The following NSUN2 variants were observed in gnomAD, a reference collection of about 807,000 sequenced individuals.
NSUN2 encodes NOP2/Sun RNA methyltransferase 2.
NSUN2 carries 63 observed loss-of-function variants against 92.7 expected under a neutral mutation model. The ratio of observed to expected loss-of-function variants is 0.68; its 90% confidence interval spans 0.56 to 0.84. The LOEUF is 0.84. Ranked by LOEUF, NSUN2 falls within the 40% of genes least tolerant of loss-of-function variation. NSUN2 has a pLI of 0.00. For synonymous variants in NSUN2, 356 were observed against 348.3 expected, an observed-to-expected ratio of 1.02 and a Z score of -0.25; for missense variants, 989 against 964.9, an observed-to-expected ratio of 1.02 and a Z score of -0.33.
Position 6,600,244 on chromosome 5 carries a change from A to T in NSUN2, c.1998-12T>A. The T allele has an allele frequency of 6.2e-7, 1 of 1,608,870 alleles. No homozygotes were observed. The highest frequency in any genetic ancestry group is 1.1e-5 in the South Asian group (1 of 90,776). On this transcript the variant is annotated splice_polypyrimidine_tract_variant and intron_variant, in intron 18 of 18. Coordinates refer to ENST00000264670, the MANE Select transcript of NSUN2 (RefSeq NM_017755.6). Reference sequence around the variant, plus strand: ...GAGCGTCTGGATTCCTACAAGTGAAAGTGGCTTCATGTAGAACATTAAACA... The same window carrying T: ...GAGCGTCTGGATTCCTACAAGTGAATGTGGCTTCATGTAGAACATTAAACA...
Position 6,625,637 on chromosome 5 carries a change from A to C in NSUN2, c.392T>G (p.Leu131Ter). ...CGATTTTCTCAAGATTTTTCGACTT[A>C]AATTTGTGTGCCAGGCAAGTTCTTC... Reference protein sequence around the residue: ...YPEELAWHTNLSRKILRKSPH... With the variant: ...YPEELAWHTN Residue 131 changes from leucine to a stop codon, truncating the protein, a stop_gained, in exon 4 of 19, where the codon TTA (leucine) becomes TGA (stop). Coordinates refer to ENST00000264670, the MANE Select transcript of NSUN2 (RefSeq NM_017755.6). LOFTEE classifies it high-confidence loss of function. The C allele has an allele frequency of 6.2e-7, 1 of 1,614,210 alleles. No individual in the cohort carries two copies. The highest frequency in any genetic ancestry group is 8.5e-7 in the Non-Finnish European group (1 of 1,180,014).
rs192821977 is a variant in NSUN2 at position 6,632,288 on chromosome 5, G to A, written c.254+311C>T. ...GGCGCGGAGGAGGGGAGAACCAAGGGGTTTTATGCATTCTCTATAAATTCT... is the reference window on the plus strand; with the variant it reads ...GGCGCGGAGGAGGGGAGAACCAAGGAGTTTTATGCATTCTCTATAAATTCT... On this transcript the variant is annotated intron_variant, in intron 2 of 18. Transcript: ENST00000264670. Among the ~76,000 whole-genome samples the A allele has an allele frequency of 4.6e-5, 7 of 152,118 alleles. No individual in the cohort carries two copies. The South Asian group carries it at 1.0e-3, about 23-fold the overall frequency.
At chr5:6,606,939 AT>A (rs1439887542) in intron 13 of NSUN2, 27 bp from the exon 14 acceptor site, 7 of 1,325,676 alleles carry the variant, frequency 5.3e-6, no homozygotes, top group African/African-American at 1.5e-5. Flanking sequence ...GATGAGACAA[AT>A]CAATCTGTAA....
chr5:6,632,587 C>T lies in NSUN2; in HGVS notation c.254+12G>A. On this transcript the variant is annotated intron_variant, in intron 2 of 18. Transcript: ENST00000264670. ...GCCCCAACTCCCAAAAAATCAGGCA[C>T]TGCCTCCCTACCTTTTGTAACCAGT... is the stretch of plus-strand genomic sequence containing the variant. 6.2e-7 allele frequency: 1 copy of T among 1,612,426 alleles called. No individual in the cohort carries two copies. Among genetic ancestry groups the T allele is most frequent in the Non-Finnish European group, 8.5e-7 (1 of 1,178,978 alleles).
At chr5:6,608,717 G>A (rs1285247830) in intron 12 of NSUN2, among the ~76,000 whole-genome samples, 3 of 152,226 alleles carry the variant, frequency 2.0e-5, no homozygotes, top group East Asian at 3.8e-4. Flanking sequence ...GCGTCTCTAA[G>A]ACAGGCTCCT....
intron 9 of NSUN2, among the ~76,000 whole-genome samples, chr5:6,616,381 GT>G (rs1737212738): frequency 6.6e-6 from 1 of 152,232 alleles, no homozygotes; most frequent in Non-Finnish European, 1.5e-5. Flanking sequence ...GGACGCTGCA[GT>G]AAGTTAAATA....
At position 6,599,728 on chromosome 5, in the gene NSUN2, A is replaced by AATTT; in HGVS notation, c.*197_*198insAAAT. The stretch of plus-strand genomic sequence containing the variant: ...AAAACAAGTGATTTCTAACACGCTA[A>AATTT]AAGAGTACATTTTCATCAGCTCCAA... On this transcript the variant is annotated 3_prime_UTR_variant, in exon 19 of 19. Coordinates refer to ENST00000264670, the MANE Select transcript of NSUN2 (RefSeq NM_017755.6). 3 of 587,374 alleles carry AATTT rather than the reference A, an allele frequency of 5.1e-6. No individual in the cohort carries two copies. Among genetic ancestry groups the AATTT allele is most frequent in the Non-Finnish European group, 6.0e-6 (2 of 332,314 alleles). 36.4% of individuals were successfully genotyped at this position (587,374 alleles called of 1,614,324 possible). A position where few individuals can be genotyped will look rare whatever the true frequency, so the allele number is the denominator to read the frequency against.
chr5:6,604,700 A>G lies in NSUN2; in HGVS notation c.1738-15T>C, dbSNP rs909000313. ...GTGTTAATAACCTGTAAGTAAAAAA[A>G]TAAGATGAAACACAGAGAGATGAAG... On this transcript the variant is annotated splice_polypyrimidine_tract_variant and intron_variant, in intron 15 of 18. Coordinates refer to ENST00000264670, the MANE Select transcript of NSUN2 (RefSeq NM_017755.6). The G allele has an allele frequency of 5.6e-6, 9 of 1,603,974 alleles. No homozygotes were observed. Among genetic ancestry groups the G allele is most frequent in the African/African-American group, 5.4e-5 (4 of 74,750 alleles).
intron 3 of NSUN2, among the ~76,000 whole-genome samples, chr5:6,628,967 C>T (rs983615789): frequency 1.3e-5 from 2 of 152,138 alleles, no homozygotes; most frequent in African/African-American, 4.8e-5. Flanking sequence ...ATCACTTGAG[C>T]CTAGGAGGTC....
chr5:6,600,347 AC>A, intron 18 of NSUN2, 115 bp from the exon 19 acceptor site: 2 of 901,980 alleles, frequency 2.2e-6, no homozygotes, highest in East Asian at 2.7e-5. Context: ...TACCCACAAA[AC>A]CCCCAAAACT....
chr5:6,602,275 CAGCATCT>C (rs1736588403), intron 18 of NSUN2, among the ~76,000 whole-genome samples, 179 bp downstream of exon 18: 2 of 152,194 alleles, frequency 1.3e-5, no homozygotes, highest in Non-Finnish European at 2.9e-5. Context: ...TTCTATGAAA[CAGCATCT>C]TCATGATGAC....
intron 9 of NSUN2, 23 bp downstream of exon 9, chr5:6,616,704 A>G: frequency 1.5e-6 from 2 of 1,321,866 alleles, no homozygotes; most frequent in East Asian, 3.2e-5. Context: ...GCTGTTAATA[A>G]AAGATCCATC....
chr5:6,615,281 C>T (rs1737162741), intron 9 of NSUN2, among the ~76,000 whole-genome samples: 1 of 152,182 alleles, frequency 6.6e-6, no homozygotes, highest in Non-Finnish European at 1.5e-5. Context: ...TGAAAGCAGA[C>T]TGTGGCAAGG....
intron 11 of NSUN2, 75 bp from the exon 12 acceptor site, chr5:6,609,997 A>C: frequency 1.0e-6 from 1 of 998,772 alleles, no homozygotes. Context: ...CAAATACCGC[A>C]AAGATGATAC....
chr5:6,601,908 C>T (rs1235338888), intron 18 of NSUN2, among the ~76,000 whole-genome samples: 5 of 152,124 alleles, frequency 3.3e-5, no homozygotes, highest in African/African-American at 9.7e-5. Flanking sequence ...ACTTTCTGTC[C>T]CGGCTTCCTC....
At chr5:6,609,209 T>C (rs1247919605) in intron 12 of NSUN2, among the ~76,000 whole-genome samples, 1 of 152,230 alleles carries the variant, frequency 6.6e-6, no homozygotes, top group Non-Finnish European at 1.5e-5. Context: ...GGAAGGCTGA[T>C]TTATGAACTA....
At chr5:6,605,927 T>C (rs1400100874) in intron 14 of NSUN2, among the ~76,000 whole-genome samples, 2 of 152,092 alleles carry the variant, frequency 1.3e-5, no homozygotes, top group African/African-American at 4.8e-5. Flanking sequence ...ACTCCTAACC[T>C]CATGATCTGC....
At chr5:6,600,810 C>CT (rs1736522870) in intron 18 of NSUN2, among the ~76,000 whole-genome samples, 1 of 152,222 alleles carries the variant, frequency 6.6e-6, no homozygotes, top group Non-Finnish European at 1.5e-5. Context: ...ACATGGCAGT[C>CT]TGAGCCCTGC....
At chr5:6,617,850 T>C in intron 8 of NSUN2, 100 bp downstream of exon 8, 1 of 889,500 alleles carries the variant, frequency 1.1e-6, no homozygotes, top group Non-Finnish European at 1.7e-6. Flanking sequence ...CTCTGATGCT[T>C]ACAGCTCTCT....
Sources: gnomAD v4.1 joint callset for allele counts (sites outside exome capture counted in the v4.1 genomes callset) on GRCh38, gnomAD v4.1.1 for gene constraint, MANE v1.5 for transcripts, NCBI Gene and HGNC (gene_info 2026-07-23, HGNC 2026-07-21) for gene names.